The following PEBP4 variants were observed in gnomAD, a reference collection of about 807,000 sequenced individuals.
The protein encoded by PEBP4 is phosphatidylethanolamine-binding protein 4.
Under a neutral mutation model 23.9 loss-of-function variants are expected in PEBP4, and 22 were observed. The ratio of observed to expected loss-of-function variants is 0.92; its 90% confidence interval spans 0.66 to 1.31. PEBP4 has a LOEUF of 1.31. Ranked by LOEUF, PEBP4 falls within the 40% of genes most tolerant of loss-of-function variation. The pLI is 0.00. For missense variants in PEBP4, 324 were observed against 281.7 expected (o/e 1.15, Z -1.07); for synonymous variants, 112 against 99.3 (o/e 1.13, Z -0.76).
At chr8:22,860,861 C>G (rs1807767013) in intron 3 of PEBP4, among the ~76,000 whole-genome samples, 1 of 152,214 alleles carries the variant, frequency 6.6e-6, no homozygotes, top group African/African-American at 2.4e-5. Flanking sequence ...TCGGTGACAG[C>G]CCTGACTGTC....
chr8:22,802,138 G>A lies in PEBP4; in HGVS notation c.357+15499C>T, dbSNP rs140456012. Among the ~76,000 whole-genome samples the A allele has an allele frequency of 3.7e-4, 56 of 152,140 alleles. No homozygotes were observed. In the East Asian group the frequency reaches 0.011, roughly 29 times the overall value. On this transcript the variant is annotated intron_variant, in intron 4 of 6. Coordinates refer to ENST00000256404, the MANE Select transcript of PEBP4 (RefSeq NM_144962.3). ...TCCGGACTGTGGGTTCCTCCTCCTCGTCTCTCTGCGAAGCAACAGAACCCG... is the reference window on the plus strand; with the variant it reads ...TCCGGACTGTGGGTTCCTCCTCCTCATCTCTCTGCGAAGCAACAGAACCCG...
At chr8:22,925,837 C>T (rs936580097) in intron 2 of PEBP4, among the ~76,000 whole-genome samples, 3 of 152,200 alleles carry the variant, frequency 2.0e-5, no homozygotes, top group African/African-American at 7.2e-5. Context: ...TTGCACTGCT[C>T]AGAGCGAGAA....
intron 4 of PEBP4, among the ~76,000 whole-genome samples, chr8:22,815,657 G>T (rs1008299224): frequency 6.6e-6 from 1 of 152,200 alleles, no homozygotes; most frequent in African/African-American, 2.4e-5. Context: ...CGGCCTGAGC[G>T]GGAAGGCCGA....
intron 3 of PEBP4, 100 bp from the exon 4 acceptor site, chr8:22,817,835 T>C: frequency 9.4e-7 from 1 of 1,062,386 alleles, no homozygotes; most frequent in Non-Finnish European, 1.4e-6. Flanking sequence ...CGAGAATGGC[T>C]GAGTAGCCCC....
intron 3 of PEBP4, among the ~76,000 whole-genome samples, chr8:22,879,717 C>T (rs1367603446): frequency 1.3e-5 from 2 of 152,132 alleles, no homozygotes; most frequent in Non-Finnish European, 2.9e-5. Context: ...TGATTTCAGG[C>T]CTTAAGGCAC....
At chr8:22,749,968 G>T (rs557272074) in intron 4 of PEBP4, among the ~76,000 whole-genome samples, 1 of 150,722 alleles carries the variant, frequency 6.6e-6, no homozygotes, top group East Asian at 2.0e-4. Context: ...CACCATGTGG[G>T]GCTAATTTTG....
chr8:22,797,153 C>T (rs1806277300), intron 4 of PEBP4, among the ~76,000 whole-genome samples: 1 of 150,264 alleles, frequency 6.7e-6, no homozygotes, highest in Non-Finnish European at 1.5e-5. Context: ...ACTTGGAAGG[C>T]TGAGGCAGAA....
chr8:22,800,892 G>A (rs190746875), intron 4 of PEBP4, among the ~76,000 whole-genome samples: 3 of 152,072 alleles, frequency 2.0e-5, no homozygotes, highest in Non-Finnish European at 2.9e-5. Flanking sequence ...GATTTTGGCT[G>A]CCTTTGCCTC....
At chr8:22,764,096 A>G (rs963038273) in intron 4 of PEBP4, among the ~76,000 whole-genome samples, 1 of 152,154 alleles carries the variant, frequency 6.6e-6, no homozygotes, top group Non-Finnish European at 1.5e-5. Context: ...AAATCATCCA[A>G]AGAAATTTAC....
chr8:22,843,129 A>AT (rs1807361358), intron 3 of PEBP4, among the ~76,000 whole-genome samples: 1 of 151,362 alleles, frequency 6.6e-6, no homozygotes, highest in Non-Finnish European at 1.5e-5. Context: ...TGCCCAGCTA[A>AT]TTTTTTGTAT....
intron 3 of PEBP4, among the ~76,000 whole-genome samples, chr8:22,890,448 A>G (rs1312549592): frequency 6.6e-6 from 1 of 152,248 alleles, no homozygotes; most frequent in East Asian, 1.9e-4. Context: ...TCAGCGTTGG[A>G]AAGACCCCAA....
At chr8:22,804,094 C>T (rs888931208) in intron 4 of PEBP4, among the ~76,000 whole-genome samples, 6 of 152,110 alleles carry the variant, frequency 3.9e-5, no homozygotes, top group Admixed American at 2.6e-4. Context: ...TTTTGGGAGG[C>T]CGAGGTGGGA....
chr8:22,912,516 C>T (rs1420741614), intron 3 of PEBP4, among the ~76,000 whole-genome samples: 2 of 152,182 alleles, frequency 1.3e-5, no homozygotes, highest in Non-Finnish European at 2.9e-5. Flanking sequence ...GACTGCAAGC[C>T]AGGGAAGCTG....
intron 4 of PEBP4, among the ~76,000 whole-genome samples, chr8:22,797,919 G>A (rs1260648718): frequency 6.6e-6 from 1 of 152,156 alleles, no homozygotes; most frequent in Non-Finnish European, 1.5e-5. Flanking sequence ...TACAGGGCTG[G>A]CTGTGCACGG....
intron 3 of PEBP4, among the ~76,000 whole-genome samples, chr8:22,869,550 T>C (rs190461971): frequency 1.3e-5 from 2 of 152,200 alleles, no homozygotes; most frequent in Non-Finnish European, 1.5e-5. Context: ...GCTCTTGTTT[T>C]GGGCACCTCT....
intron 3 of PEBP4, chr8:22,884,750 C>G (rs903835811): frequency 3.9e-5 from 6 of 152,220 alleles, no homozygotes; most frequent in African/African-American, 1.2e-4. Flanking sequence ...ATTCAACATC[C>G]TCTCTCTCTT....
At chr8:22,928,817 G>A (rs538045356), upstream of PEBP4, among the ~76,000 whole-genome samples, 59 of 152,292 alleles carry the variant, frequency 3.9e-4, no homozygotes, top group African/African-American at 1.3e-3. Flanking sequence ...TCCTGTCACC[G>A]TGGTGCCTTG....
At chr8:22,892,149 G>T (rs895083957) in intron 3 of PEBP4, among the ~76,000 whole-genome samples, 3 of 151,982 alleles carry the variant, frequency 2.0e-5, no homozygotes, top group Non-Finnish European at 4.4e-5. Flanking sequence ...CAACTTGTGA[G>T]AAATAAAACT....
At position 22,836,887 on chromosome 8, in the gene PEBP4, G is replaced by GA. The variant is rs906852536; in HGVS notation, c.259-19153dup. On this transcript the variant is annotated intron_variant, in intron 3 of 6. Coordinates refer to ENST00000256404, the MANE Select transcript of PEBP4 (RefSeq NM_144962.3). ...GAAGAGGAAACTGATGGAAGAGAAA[G>GA]AAAAAAAAAAAGAGCTCCTAAGCAA... 3.8e-3 allele frequency among the ~76,000 whole-genome samples: 539 copies of GA among 143,514 alleles called. 5 individuals are homozygous for GA. Among genetic ancestry groups the GA allele is most frequent in the Non-Finnish European group, 4.6e-3 (299 of 65,138 alleles). The allele number at this position is 143,514 out of a possible 152,430, so 94.2% of individuals were successfully genotyped here. A position where few individuals can be genotyped will look rare whatever the true frequency, so the allele number is the denominator to read the frequency against.
Sources: gnomAD v4.1 joint callset for allele counts (sites outside exome capture counted in the v4.1 genomes callset) on GRCh38, gnomAD v4.1.1 for gene constraint, MANE v1.5 for transcripts, NCBI Gene and HGNC (gene_info 2026-07-23, HGNC 2026-07-21) for gene names.